The following HDX variants were observed in gnomAD, a reference collection of about 807,000 sequenced individuals.
HDX encodes the protein chromosome X open reading frame 43.
A neutral mutation model predicts 45.2 loss-of-function variants in HDX; 19 were observed. The observed-to-expected ratio is 0.42, with a 90% confidence interval of 0.29 to 0.62. The LOEUF (loss-of-function observed/expected upper bound fraction) is 0.62, where lower values mean the gene tolerates loss of function less well. HDX is among the 20% of genes least tolerant of loss of function. The probability of loss-of-function intolerance (pLI) is 0.20; values close to 1 mark genes in which losing one functional copy is unlikely to be tolerated. For synonymous variants in HDX, 188 were observed against 172.8 expected (o/e 1.09, Z -0.69); for missense variants, 532 against 493.9 (o/e 1.08, Z -0.73).
At chrX:84,367,752 C>A (rs909674303) in intron 5 of HDX, among the ~76,000 whole-genome samples, 2 of 111,819 alleles carry the variant, frequency 1.8e-5, no homozygotes, top group Admixed American at 1.9e-4. Flanking sequence ...AACGCAGGAA[C>A]AGAAAACCAA....
chrX:84,374,526 T>C (rs1389079210), intron 5 of HDX, among the ~76,000 whole-genome samples: 1 of 104,621 alleles, frequency 9.6e-6, no homozygotes, highest in Non-Finnish European at 2.0e-5. Context: ...AAGTCTACAG[T>C]AACCAAAACA....
At chrX:84,431,996 G>T (rs192309954) in intron 5 of HDX, among the ~76,000 whole-genome samples, 1 of 111,220 alleles carries the variant, frequency 9.0e-6, no homozygotes, top group East Asian at 2.8e-4. Flanking sequence ...AATCCATCTT[G>T]AGTCGATTTT....
chrX:84,432,234 G>T (rs905227861), intron 5 of HDX, among the ~76,000 whole-genome samples: 1 of 111,565 alleles, frequency 9.0e-6, no homozygotes, highest in Non-Finnish European at 1.9e-5. Context: ...TTTGCTTATT[G>T]TAGTCTTCTA....
intron 5 of HDX, among the ~76,000 whole-genome samples, chrX:84,428,649 A>G (rs1407671933): frequency 1.8e-5 from 2 of 111,233 alleles, no homozygotes; most frequent in Non-Finnish European, 3.8e-5. Context: ...GTATTTTAAC[A>G]GGTAAGGAAG....
Position 84,372,637 on chromosome X carries a change from T to A in HDX, c.1306-11025A>T, listed in dbSNP as rs775255236. ...TTTGTTCTTACAGTTTTAAAAAATA[T>A]TTTAATCTTACAGATCTAAAGCACA... On this transcript the variant is annotated intron_variant, in intron 5 of 10. Transcript: ENST00000373177. Among the ~76,000 whole-genome samples the A allele has an allele frequency of 3.7e-3, 411 of 112,291 alleles. 1 individual carries two copies. The highest frequency in any genetic ancestry group is 0.013 in the African/African-American group (402 of 30,954).
chrX:84,357,737 C>G (rs920326493), intron 6 of HDX, among the ~76,000 whole-genome samples: 1 of 112,304 alleles, frequency 8.9e-6, no homozygotes, highest in African/African-American at 3.2e-5. Flanking sequence ...TTTGTCCTCA[C>G]CTTCCAGAAT....
At chrX:84,437,942 G>T (rs1234589200) in intron 5 of HDX, among the ~76,000 whole-genome samples, 1 of 111,287 alleles carries the variant, frequency 9.0e-6, no homozygotes, top group Non-Finnish European at 1.9e-5. Context: ...GGAACAGAGA[G>T]TAGCTCTCCT....
intron 5 of HDX, among the ~76,000 whole-genome samples, chrX:84,395,883 C>T (rs1056078454): frequency 8.1e-5 from 9 of 110,953 alleles, no homozygotes; most frequent in African/African-American, 2.9e-4. Context: ...ATATTTTGAA[C>T]TTCATTCAAT....
chrX:84,346,561 C>T (rs2037211156), intron 6 of HDX, among the ~76,000 whole-genome samples: 1 of 111,046 alleles, frequency 9.0e-6, no homozygotes, highest in South Asian at 3.8e-4. Context: ...AATAGAGAAC[C>T]CAGAAATGGT....
At chrX:84,377,726 A>G (rs1429097950) in intron 5 of HDX, among the ~76,000 whole-genome samples, 3 of 111,196 alleles carry the variant, frequency 2.7e-5, no homozygotes, top group Non-Finnish European at 5.7e-5. Flanking sequence ...AAAAAAAATA[A>G]GAAACAATGA....
At chrX:84,431,744 T>A (rs2039510769) in intron 5 of HDX, among the ~76,000 whole-genome samples, 1 of 111,745 alleles carries the variant, frequency 8.9e-6, no homozygotes, top group South Asian at 3.7e-4. Flanking sequence ...TAGATCTCTG[T>A]TGGATACATA....
At chrX:84,434,168 CT>C (rs1188641535) in intron 5 of HDX, among the ~76,000 whole-genome samples, 7 of 108,439 alleles carry the variant, frequency 6.5e-5, no homozygotes, top group Non-Finnish European at 1.2e-4. Flanking sequence ...ATTTGGATGC[CT>C]TTTTTTTTAA....
rs200228465 is a variant in HDX at position 84,468,504 on chromosome X, A to G, written c.1219T>C (p.Leu407=). 1.7e-5 allele frequency: 20 copies of G among 1,163,040 alleles called. No individual in the cohort carries two copies. Among genetic ancestry groups the G allele is most frequent in the Non-Finnish European group, 2.3e-5 (20 of 861,416 alleles). The change falls in exon 4 of 11, where the codon TTG becomes CTG. Residue 407 remains leucine, a synonymous_variant. Coordinates refer to ENST00000373177, the MANE Select transcript of HDX (RefSeq NM_001177479.2). ...FSPHFASSNQ[L]RLSQNQNNYQ... Reference sequence around the variant, plus strand: ...TTGTTTTGGTTTTGTGATAATCTCAATTGGTTTGATGATGCAAAATGAGGA... The same window carrying G: ...TTGTTTTGGTTTTGTGATAATCTCAGTTGGTTTGATGATGCAAAATGAGGA...
chrX:84,347,184 G>A (rs192191240), intron 6 of HDX, among the ~76,000 whole-genome samples: 80 of 108,829 alleles, frequency 7.4e-4, no homozygotes, highest in Non-Finnish European at 1.0e-3. Flanking sequence ...TTATTTTGTC[G>A]TCTTTTTCTA....
At chrX:84,361,789 A>G (rs186849024) in intron 5 of HDX, among the ~76,000 whole-genome samples, 177 bp from the exon 6 acceptor site, 1 of 111,956 alleles carries the variant, frequency 8.9e-6, no homozygotes, top group Admixed American at 9.5e-5. Context: ...TTAAATTTCC[A>G]TAACAATACA....
At chrX:84,349,609 G>GTGTATATATA (rs1315482424) in intron 6 of HDX, among the ~76,000 whole-genome samples, 3 of 77,566 alleles carry the variant, frequency 3.9e-5, no homozygotes, top group African/African-American at 1.5e-4. Context: ...ATGTGTGTGT[G>GTGTATATATA]TATATATATA....
chrX:84,435,827 G>A (rs1218152330), intron 5 of HDX, among the ~76,000 whole-genome samples: 3 of 100,351 alleles, frequency 3.0e-5, no homozygotes, highest in East Asian at 3.2e-4. Context: ...TACACTGTTG[G>A]TGGGACTGTA....
chrX:84,361,323 T>C, intron 6 of HDX, 143 bp downstream of exon 6: 1 of 434,654 alleles, frequency 2.3e-6, no homozygotes, highest in Non-Finnish European at 3.8e-6. Context: ...TTATCAGATA[T>C]ATGATTTCAA....
intron 5 of HDX, among the ~76,000 whole-genome samples, chrX:84,434,629 T>C (rs2039581526): frequency 9.0e-6 from 1 of 111,338 alleles, no homozygotes; most frequent in Admixed American, 9.6e-5. Flanking sequence ...CCTGTTGTTT[T>C]CTTTTTCGGT....
Sources: gnomAD v4.1 joint callset for allele counts (sites outside exome capture counted in the v4.1 genomes callset) on GRCh38, gnomAD v4.1.1 for gene constraint, MANE v1.5 for transcripts, NCBI Gene and HGNC (gene_info 2026-07-23, HGNC 2026-07-21) for gene names.